The following CDC40 variants were observed in gnomAD, a reference collection of about 807,000 sequenced individuals.
The protein encoded by CDC40 is cell division cycle 40.
In CDC40, 27 loss-of-function variants were observed where a neutral mutation model predicts 80.6. The observed-to-expected ratio is 0.33, with a 90% CI of 0.25 to 0.46. The LOEUF is 0.46. CDC40 is among the 20% of genes least tolerant of loss of function. CDC40 has a pLI of 1.00. For synonymous variants in CDC40, 221 were observed against 232.6 expected (o/e 0.95, Z 0.45); for missense variants, 486 against 694.1 (o/e 0.70, Z 3.37).
At chr6:110,229,089 CGAT>C (rs1350831477) in intron 14 of CDC40, 113 bp downstream of exon 14, 105 of 870,324 alleles carry the variant, frequency 1.2e-4, no homozygotes, top group Non-Finnish European at 1.7e-4. Context: ...TATGAGAACT[CGAT>C]GATCTGTCAA....
At chr6:110,190,184 A>G (rs1431475078) in intron 1 of CDC40, among the ~76,000 whole-genome samples, 1 of 152,234 alleles carries the variant, frequency 6.6e-6, no homozygotes, top group African/African-American at 2.4e-5. Flanking sequence ...CAAAAACCCA[A>G]CAGTTTTCCT....
intron 7 of CDC40, 132 bp downstream of exon 7, chr6:110,212,404 A>G: frequency 1.2e-6 from 1 of 859,206 alleles, no homozygotes; most frequent in Non-Finnish European, 1.8e-6. Flanking sequence ...TGTAAGCCTG[A>G]GTTATGCTTT....
chr6:110,218,289 G>A (rs1451547732), intron 10 of CDC40, among the ~76,000 whole-genome samples: 1 of 152,104 alleles, frequency 6.6e-6, no homozygotes, highest in Non-Finnish European at 1.5e-5. Flanking sequence ...ATAATTTTAT[G>A]TAATTATAAA....
chr6:110,201,204 T>C (rs1331035244), intron 2 of CDC40, among the ~76,000 whole-genome samples: 2 of 152,184 alleles, frequency 1.3e-5, no homozygotes, highest in African/African-American at 4.8e-5. Flanking sequence ...CCCGAAATCA[T>C]GGTTTGGGGA....
chr6:110,221,847 GATA>G (rs1385527478), intron 12 of CDC40, among the ~76,000 whole-genome samples: 1 of 150,076 alleles, frequency 6.7e-6, no homozygotes, highest in Non-Finnish European at 1.5e-5. Flanking sequence ...TAAACTAGCA[GATA>G]ATGTTAGTAT....
chr6:110,181,400 A>G (rs1339584075), intron 1 of CDC40, among the ~76,000 whole-genome samples: 1 of 152,220 alleles, frequency 6.6e-6, no homozygotes, highest in Non-Finnish European at 1.5e-5. Flanking sequence ...TGATGAGAGC[A>G]TCTACCAATT....
intron 8 of CDC40, among the ~76,000 whole-genome samples, chr6:110,214,431 G>A (rs77143627): frequency 0.033 from 4,961 of 152,308 alleles, 144 homozygotes; most frequent in South Asian, 0.12. Flanking sequence ...GCATACCTTA[G>A]TAAGTTGGTT....
intron 1 of CDC40, among the ~76,000 whole-genome samples, chr6:110,184,540 A>T (rs1777240705): frequency 6.6e-6 from 1 of 151,606 alleles, no homozygotes; most frequent in African/African-American, 2.4e-5. Flanking sequence ...CTACTATGTA[A>T]GTACTTTCTA....
intron 1 of CDC40, among the ~76,000 whole-genome samples, chr6:110,184,690 T>C (rs1444074409): frequency 6.6e-6 from 1 of 152,184 alleles, no homozygotes. Context: ...AAAAAGGATG[T>C]ACCAGGCAAA....
chr6:110,188,093 A>G (rs896406553), intron 1 of CDC40, among the ~76,000 whole-genome samples: 6 of 152,222 alleles, frequency 3.9e-5, no homozygotes, highest in Admixed American at 2.0e-4. Flanking sequence ...AGTGTTGCTT[A>G]TATAAACAGT....
At chr6:110,219,891 A>G in intron 12 of CDC40, 22 bp downstream of exon 12, 1 of 1,607,242 alleles carries the variant, frequency 6.2e-7, no homozygotes, top group Non-Finnish European at 8.5e-7. Context: ...TCAGTAGAAA[A>G]TCTGATTTAC....
In CDC40 at chr6:110,226,995, A is replaced by C. The variant is rs534920372; in HGVS notation, c.1417+752A>C. On this transcript the variant is annotated intron_variant, in intron 13 of 14. Transcript: ENST00000307731. ...TGTACTCCAGCCTGGGCAACAGAGC[A>C]AGACCCTTCTCTCTAAAAAAAAAAA... Among the ~76,000 whole-genome samples, 4 of 152,238 alleles carry C rather than the reference A, an allele frequency of 2.6e-5. No individual in the cohort carries two copies. In the East Asian group the frequency reaches 7.7e-4, roughly 29 times the overall value.
chr6:110,205,763 C>T (rs73537947), intron 3 of CDC40, among the ~76,000 whole-genome samples: 4,200 of 152,140 alleles, frequency 0.028, 183 homozygotes, highest in African/African-American at 0.094. Context: ...TAGCTAGATA[C>T]GTTTTTTATT....
At chr6:110,196,755 A>G (rs1214102506) in intron 2 of CDC40, among the ~76,000 whole-genome samples, 2 of 152,164 alleles carry the variant, frequency 1.3e-5, no homozygotes, top group Admixed American at 6.5e-5. Context: ...AAATTTTCTC[A>G]TACTAATATT....
At chr6:110,201,194 C>G (rs1384510348) in intron 2 of CDC40, among the ~76,000 whole-genome samples, 1 of 152,062 alleles carries the variant, frequency 6.6e-6, no homozygotes, top group Non-Finnish European at 1.5e-5. Flanking sequence ...ACCCCAAATC[C>G]CCGAAATCAT....
rs1777163274 is a variant in CDC40 at position 110,180,460 on chromosome 6, G to A, written c.16G>A (p.Ala6Thr). MSAAI[A>T]ALAASYGSGS... ...TGTTGCCGTCATGTCGGCTGCGATT[G>A]CAGCTCTGGCCGCTTCCTATGGTTC... is the stretch of plus-strand genomic sequence containing the variant. Residue 6 changes from alanine (A) to threonine (T), a missense_variant, in exon 1 of 15, where the codon GCA becomes ACA. Coordinates refer to ENST00000307731, the MANE Select transcript of CDC40 (RefSeq NM_015891.3). 4 of 1,614,112 alleles carry A rather than the reference G, an allele frequency of 2.5e-6. No individual in the cohort carries two copies. The highest frequency in any genetic ancestry group is 2.2e-5 in the East Asian group (1 of 44,868).
chr6:110,223,231 C>T (rs1330505367), intron 12 of CDC40, among the ~76,000 whole-genome samples: 2 of 152,036 alleles, frequency 1.3e-5, no homozygotes, highest in Admixed American at 6.6e-5. Flanking sequence ...ACTACAGGTG[C>T]GTGCCACCAC....
intron 7 of CDC40, 60 bp from the exon 8 acceptor site, chr6:110,213,026 G>A (rs1777655892): frequency 4.4e-6 from 5 of 1,126,510 alleles, no homozygotes; most frequent in Non-Finnish European, 5.4e-6. Context: ...TTTTCTTGAT[G>A]CTTCATTTGA....
intron 2 of CDC40, among the ~76,000 whole-genome samples, chr6:110,200,954 A>G (rs1777486276): frequency 6.6e-6 from 1 of 152,160 alleles, no homozygotes; most frequent in Admixed American, 6.5e-5. Flanking sequence ...GACATTTGCA[A>G]TATCTTTTCC....
Sources: gnomAD v4.1 joint callset for allele counts (sites outside exome capture counted in the v4.1 genomes callset) on GRCh38, gnomAD v4.1.1 for gene constraint, MANE v1.5 for transcripts, NCBI Gene and HGNC (gene_info 2026-07-23, HGNC 2026-07-21) for gene names.